G6PC1: variants seen among roughly 807,000 people sequenced by gnomAD.
The protein encoded by G6PC1 is glucose-6-phosphatase catalytic subunit 1, also known as G-6-Pase.
G6PC1 carries 23 observed loss-of-function variants against 30.4 expected under a neutral mutation model. The ratio of observed to expected loss-of-function variants is 0.76; its 90% CI spans 0.55 to 1.07. The LOEUF (loss-of-function observed/expected upper bound fraction) is 1.07. G6PC1 is among the 50% of genes least tolerant of loss of function. The probability of loss-of-function intolerance (pLI) is 0.00; values close to 1 mark genes in which losing one functional copy is unlikely to be tolerated. For synonymous variants in G6PC1, 163 were observed against 175.6 expected (o/e 0.93, Z 0.57); for missense variants, 391 against 433.9 (o/e 0.90, Z 0.88).
chr17:42,902,693 G>A (rs1322802993), intron 1 of G6PC1, among the ~76,000 whole-genome samples: 1 of 152,166 alleles, frequency 6.6e-6, no homozygotes, highest in African/African-American at 2.4e-5. Flanking sequence ...CCACCATCAC[G>A]GGATAAAAGG....
chr17:42,910,757 C>T (rs2056089749), intron 4 of G6PC1, among the ~76,000 whole-genome samples, 158 bp from the exon 5 acceptor site: 1 of 152,116 alleles, frequency 6.6e-6, no homozygotes, highest in African/African-American at 2.4e-5. Context: ...AGGCTGGAGT[C>T]ACACATGGGA....
At position 42,903,920 on chromosome 17, in the gene G6PC1, T is replaced by C. The variant is rs377390234; in HGVS notation, c.231-11T>C. 2 of 1,586,230 alleles carry C rather than the reference T, an allele frequency of 1.3e-6. No individual in the cohort carries two copies. Among genetic ancestry groups the C allele is most frequent in the African/African-American group, 1.3e-5 (1 of 74,316 alleles). On this transcript the variant is annotated splice_polypyrimidine_tract_variant and intron_variant, in intron 1 of 4. Coordinates refer to ENST00000253801, the MANE Select transcript of G6PC1 (RefSeq NM_000151.4). ...TCAGTAACCCCAGAAACTTGTTCTGTTTTTCCATAGGATTCTCTTTGGACA... is the reference window on the plus strand; with the variant it reads ...TCAGTAACCCCAGAAACTTGTTCTGCTTTTCCATAGGATTCTCTTTGGACA...
intron 4 of G6PC1, among the ~76,000 whole-genome samples, chr17:42,910,087 G>A (rs1159997680): frequency 1.3e-5 from 2 of 151,970 alleles, no homozygotes; most frequent in African/African-American, 2.4e-5. Flanking sequence ...TCCTGACCTC[G>A]TGATCCGCCC....
intron 2 of G6PC1, among the ~76,000 whole-genome samples, chr17:42,905,429 A>AAT (rs1555559451): frequency 4.9e-4 from 59 of 120,860 alleles, no homozygotes; most frequent in African/African-American, 1.2e-3. Flanking sequence ...AAAAAAAAAA[A>AAT]ATATATATAT....
chr17:42,910,639 G>C (rs536923440), intron 4 of G6PC1, among the ~76,000 whole-genome samples: 27 of 152,300 alleles, frequency 1.8e-4, no homozygotes, highest in African/African-American at 6.5e-4. Flanking sequence ...CCCTACCTCT[G>C]AGGGTATTTC....
Position 42,907,713 on chromosome 17 carries a change from A to AT in G6PC1, c.446+86dup, listed in dbSNP as rs371152892. The stretch of plus-strand genomic sequence containing the variant: ...TGACACACCACGTATTCTTCCTCAC[A>AT]TCCCCCTAGCCCGCTCCCACACCTG... On this transcript the variant is annotated intron_variant, in intron 3 of 4. Transcript: ENST00000253801. 3,394 of 934,020 alleles carry AT rather than the reference A, an allele frequency of 3.6e-3. 116 individuals are homozygous for AT. The South Asian group carries it at 0.041, about 11-fold the overall frequency. 57.9% of individuals were successfully genotyped at this position (934,020 alleles called of 1,614,324 possible).
At position 42,909,306 on chromosome 17, in the gene G6PC1, C is replaced by T. The variant is rs753856233; in HGVS notation, c.450C>T (p.Cys150=). 1.2e-6 allele frequency: 2 copies of T among 1,612,404 alleles called. No individual in the cohort carries two copies. Among genetic ancestry groups the T allele is most frequent in the South Asian group, 2.2e-5 (2 of 91,058 alleles). ...ATGGTTGCCTCTTCTGTTGCAGGTG[C>T]TTGAATGTCATTTTGTGGTTGGGAT... ...GKIKPTYRFR[C]LNVILWLGFW... Residue 150 remains cysteine, a synonymous_variant, in exon 4 of 5, where the codon TGC becomes TGT. Coordinates refer to ENST00000253801, the MANE Select transcript of G6PC1 (RefSeq NM_000151.4).
chr17:42,902,692 C>T (rs762741718), intron 1 of G6PC1, among the ~76,000 whole-genome samples: 6 of 152,180 alleles, frequency 3.9e-5, no homozygotes, highest in Non-Finnish European at 5.9e-5. Context: ...TCCACCATCA[C>T]GGGATAAAAG....
At chr17:42,904,831 G>A (rs2056048480) in intron 2 of G6PC1, among the ~76,000 whole-genome samples, 1 of 152,202 alleles carries the variant, frequency 6.6e-6, no homozygotes, top group Non-Finnish European at 1.5e-5. Flanking sequence ...AGTAAACTAG[G>A]CCAGTTGTGG....
chr17:42,905,443 T>TATATACAC (rs1223207559), intron 2 of G6PC1, among the ~76,000 whole-genome samples: 68 of 87,922 alleles, frequency 7.7e-4, no homozygotes, highest in Middle Eastern at 8.6e-3. Flanking sequence ...TATATATATA[T>TATATACAC]ACACACACAC....
Position 42,906,254 on chromosome 17 carries a change from T to C in G6PC1, c.341-1269T>C, listed in dbSNP as rs1001200147. ...GGAGTTTAGATACTCTGGGGAACTA[T>C]ACTTGTAGAAGGGAAGGAACAGGAA... On this transcript the variant is annotated intron_variant, in intron 2 of 4. Transcript: ENST00000253801. 5.9e-5 allele frequency among the ~76,000 whole-genome samples: 9 copies of C among 152,060 alleles called. 2 individuals are homozygous for C. The highest frequency in any genetic ancestry group is 6.8e-3 in the Middle Eastern group (2 of 294).
chr17:42,909,692 A>T (rs1048393361), intron 4 of G6PC1, among the ~76,000 whole-genome samples: 2 of 152,156 alleles, frequency 1.3e-5, no homozygotes, highest in African/African-American at 4.8e-5. Context: ...TACAATCTTT[A>T]TTTCTTACTG....
At chr17:42,907,033 G>T (rs1232019060) in intron 2 of G6PC1, among the ~76,000 whole-genome samples, 1 of 152,204 alleles carries the variant, frequency 6.6e-6, no homozygotes, top group Non-Finnish European at 1.5e-5. Flanking sequence ...GCTGTGAAGG[G>T]CTGTCTGGCC....
intron 3 of G6PC1, among the ~76,000 whole-genome samples, chr17:42,908,429 C>T (rs1283628866): frequency 2.1e-5 from 3 of 141,474 alleles, no homozygotes; most frequent in African/African-American, 8.0e-5. Context: ...TTTTTTGAGA[C>T]GGAATCTCGC....
In G6PC1 at chr17:42,901,095, C is replaced by A. The variant is rs373545775; in HGVS notation, c.219C>A (p.Leu73=). 7 of 1,613,288 alleles carry A rather than the reference C, an allele frequency of 4.3e-6. No homozygotes were observed. The highest frequency in any genetic ancestry group is 1.7e-5 in the Admixed American group (1 of 60,006). ...CTGTGATTGGAGACTGGCTCAACCT[C>A]GTCTTTAAGTGGTAAGAACCATATA... ...WVAVIGDWLN[L]VFKWILFGQR... Residue 73 remains leucine, a synonymous_variant, in exon 1 of 5, where the codon CTC becomes CTA. Transcript: ENST00000253801.
chr17:42,910,947 C>T lies in G6PC1; in HGVS notation c.595C>T (p.His199Tyr). 1 of 1,614,192 alleles carries T rather than the reference C, an allele frequency of 6.2e-7. No individual in the cohort carries two copies. The highest frequency in any genetic ancestry group is 8.5e-7 in the Non-Finnish European group (1 of 1,180,024). ...TGTTGCAGAAACTTTCAGCCACATC[C>T]ACAGCATCTATAATGCCAGCCTCAA... ...IAVAETFSHIHSIYNASLKKY... is the reference protein window; with the variant it reads ...IAVAETFSHIYSIYNASLKKY... Residue 199 changes from histidine to tyrosine, a missense_variant, in exon 5 of 5, where the codon CAC (histidine) becomes TAC (tyrosine). Transcript: ENST00000253801.
At chr17:42,904,161 A>G (rs1474622392) in intron 2 of G6PC1, 121 bp downstream of exon 2, 5 of 754,048 alleles carry the variant, frequency 6.6e-6, no homozygotes, top group South Asian at 4.2e-5. Context: ...ATGCTCTTCA[A>G]TTGGCACAAA....
intron 1 of G6PC1, among the ~76,000 whole-genome samples, chr17:42,902,741 A>G (rs2056034219): frequency 6.6e-6 from 1 of 152,146 alleles, no homozygotes; most frequent in Non-Finnish European, 1.5e-5. Flanking sequence ...TCCACAGTGA[A>G]AGATATATCT....
intron 2 of G6PC1, among the ~76,000 whole-genome samples, chr17:42,905,467 C>T (rs1204917708): frequency 7.8e-6 from 1 of 128,094 alleles, no homozygotes; most frequent in African/African-American, 3.0e-5. Flanking sequence ...CACACACACA[C>T]ACACACACAT....
Sources: gnomAD v4.1 joint callset for allele counts (sites outside exome capture counted in the v4.1 genomes callset) on GRCh38, gnomAD v4.1.1 for gene constraint, MANE v1.5 for transcripts, NCBI Gene and HGNC (gene_info 2026-07-23, HGNC 2026-07-21) for gene names.